The following MEIOSIN variants were observed in gnomAD, a reference collection of about 807,000 sequenced individuals.
MEIOSIN encodes the protein meiosis initiator.
Under a neutral mutation model 23.4 loss-of-function variants are expected in MEIOSIN, and 18 were observed. That is an observed-to-expected ratio of 0.77 (90% CI 0.53 to 1.14). The LOEUF (loss-of-function observed/expected upper bound fraction) is 1.14, where lower values mean the gene tolerates loss of function less well. Ranked by LOEUF, MEIOSIN falls within the 50% of genes most tolerant of loss-of-function variation. The pLI is 0.00. For missense variants in MEIOSIN, 428 were observed against 242.9 expected (o/e 1.76, Z -5.07); for synonymous variants, 187 against 100.6 (o/e 1.86, Z -5.14).
At chr19:45,757,036 C>T in intron 8 of MEIOSIN, 141 bp from the exon 9 acceptor site, 3 of 586,320 alleles carry the variant, frequency 5.1e-6, no homozygotes, top group Admixed American at 2.8e-5. Context: ...ACTGTAAGCT[C>T]CCTGAGGATG....
chr19:45,740,014 A>AT (rs965067002), intron 3 of MEIOSIN, among the ~76,000 whole-genome samples: 53 of 152,000 alleles, frequency 3.5e-4, no homozygotes, highest in South Asian at 1.7e-3. Context: ...CGGCCAGCTA[A>AT]TTTTTTGTAT....
chr19:45,740,591 A>T (rs1239547686), intron 3 of MEIOSIN, among the ~76,000 whole-genome samples: 4 of 152,046 alleles, frequency 2.6e-5, no homozygotes, highest in Non-Finnish European at 5.9e-5. Context: ...TCTACTAAAA[A>T]TACAAAAAAT....
At chr19:45,749,511 TA>T (rs1161735227) in intron 4 of MEIOSIN, among the ~76,000 whole-genome samples, 8 of 147,960 alleles carry the variant, frequency 5.4e-5, no homozygotes, top group Non-Finnish European at 1.2e-4. Context: ...CCGTCTCTAC[TA>T]AAAAATACAA....
chr19:45,760,665 A>C (rs948247138), intron 11 of MEIOSIN, among the ~76,000 whole-genome samples: 9 of 151,884 alleles, frequency 5.9e-5, no homozygotes, highest in African/African-American at 1.9e-4. Flanking sequence ...GTGGTGGCTC[A>C]TGCCTATACT....
At chr19:45,762,419 A>T (rs1431158960) in intron 13 of MEIOSIN, among the ~76,000 whole-genome samples, 5 of 151,944 alleles carry the variant, frequency 3.3e-5, no homozygotes, top group Non-Finnish European at 7.4e-5. Context: ...GAAAAAAAGG[A>T]GTTTTTTTTG....
Position 45,756,015 on chromosome 19 carries a change from C to T in MEIOSIN, c.848C>T (p.Ala283Val), listed in dbSNP as rs1469853505. 5.5e-5 allele frequency: 39 copies of T among 702,768 alleles called. No individual in the cohort carries two copies. The highest frequency in any genetic ancestry group is 1.4e-4 in the Admixed American group (7 of 49,990). The allele number at this position is 702,768 out of a possible 1,614,324, so 43.5% of individuals were successfully genotyped here. A position where few individuals can be genotyped will look rare whatever the true frequency, so the allele number is the denominator to read the frequency against. ...GTCCAGGATGACGCACCTTTCCCTG[C>T]GCTCCTGGCTCAGGAAGATGTGGCG... ...GSVQDDAPFP[A>V]LLAQEDVARI... The change falls in exon 8 of 15, where the codon GCG (alanine) becomes GTG (valine). Residue 283 changes from alanine (A) to valine (V), a missense_variant. Ala to Val is a moderately conservative substitution (Grantham distance 64). Transcript: ENST00000457052.
chr19:45,750,691 A>G lies in MEIOSIN; in HGVS notation c.323A>G (p.His108Arg). 1.7e-6 allele frequency: 1 copy of G among 598,526 alleles called. No homozygotes were observed. The highest frequency in any genetic ancestry group is 3.0e-6 in the Non-Finnish European group (1 of 338,082). 37.1% of individuals were successfully genotyped at this position (598,526 alleles called of 1,614,324 possible). A position where few individuals can be genotyped will look rare whatever the true frequency, so the allele number is the denominator to read the frequency against. Residue 108 changes from histidine to arginine, a missense_variant, in exon 5 of 15, where the codon CAT becomes CGT. By Grantham distance (29) the His-to-Arg change is conservative. Coordinates refer to ENST00000457052, the MANE Select transcript of MEIOSIN (RefSeq NM_001310124.2). ...KKLTKKEILVHVLQYIQYLQR... is the reference protein window; with the variant it reads ...KKLTKKEILVRVLQYIQYLQR... Reference sequence around the variant, plus strand: ...TTGAGGCAGAAGGAGATTCTGGTGCATGTCCTGCAGTACATTCAGTACCTC... The same window carrying G: ...TTGAGGCAGAAGGAGATTCTGGTGCGTGTCCTGCAGTACATTCAGTACCTC...
chr19:45,739,642 T>C lies in MEIOSIN; in HGVS notation c.88T>C (p.Ser30Pro), dbSNP rs1326849679. The C allele has an allele frequency of 4.3e-6, 3 of 702,966 alleles. No individual in the cohort carries two copies. The highest frequency in any genetic ancestry group is 1.7e-5 in the African/African-American group (1 of 57,208). The allele number at this position is 702,966 out of a possible 1,614,324, so 43.5% of individuals were successfully genotyped here. The change falls in exon 3 of 15, where the codon TCC (serine) becomes CCC (proline). Residue 30 changes from serine to proline, a missense_variant. Physicochemically the swap from Ser to Pro is moderately conservative, Grantham distance 74. Transcript: ENST00000457052. ...TCTTGGCAGGACCTTGGTTTTGTGC[T>C]CCCTAGTGGAAGGGGAAGATAAGGT... ...GPSDRTLVLC[S>P]LVEGEDKVNP...
chr19:45,751,132 T>A (rs945794154), intron 5 of MEIOSIN, among the ~76,000 whole-genome samples: 1 of 151,776 alleles, frequency 6.6e-6, no homozygotes, highest in South Asian at 2.1e-4. Context: ...AATTAGCTGG[T>A]GTGGTGGCTG....
chr19:45,750,639 G>T, intron 4 of MEIOSIN, 36 bp from the exon 5 acceptor site: 1 of 515,030 alleles, frequency 1.9e-6, no homozygotes, highest in Non-Finnish European at 3.5e-6. Context: ...GATTACAGGC[G>T]TGAGCCTGGC....
rs1969017668 is a variant in MEIOSIN, at chr19:45,764,387, AC to A, written c.*272del. ...TGCGGGGTGTCGGAAGGTGAAGTTT[AC>A]CCACCCCTCTCCCCTTCCCTTCCCC... On this transcript the variant is annotated 3_prime_UTR_variant, in exon 15 of 15. Coordinates refer to ENST00000457052, the MANE Select transcript of MEIOSIN (RefSeq NM_001310124.2). The A allele has an allele frequency of 2.8e-6, 1 of 357,108 alleles. No individual in the cohort carries two copies. Among genetic ancestry groups the A allele is most frequent in the South Asian group, 1.5e-4 (1 of 6,630 alleles). 22.1% of individuals were successfully genotyped at this position (357,108 alleles called of 1,614,324 possible).
In MEIOSIN at chr19:45,764,356, A is replaced by C; in HGVS notation, c.*238A>C. 2.6e-6 allele frequency: 1 copy of C among 380,726 alleles called. No individual in the cohort carries two copies. 23.6% of individuals were successfully genotyped at this position (380,726 alleles called of 1,614,324 possible). A position where few individuals can be genotyped will look rare whatever the true frequency, so the allele number is the denominator to read the frequency against. ...CCCAGGCTTAGGAAGGAAACCCAAA[A>C]TGAAATGCGGGGTGTCGGAAGGTGA... On this transcript the variant is annotated 3_prime_UTR_variant, in exon 15 of 15. Transcript: ENST00000457052.
chr19:45,739,433 G>A (rs936943800), intron 2 of MEIOSIN, among the ~76,000 whole-genome samples, 193 bp from the exon 3 acceptor site: 1 of 152,078 alleles, frequency 6.6e-6, no homozygotes, highest in Non-Finnish European at 1.5e-5. Context: ...GATTACAGGC[G>A]TGAGTCATTG....
chr19:45,743,729 C>A (rs1401170226), intron 3 of MEIOSIN, among the ~76,000 whole-genome samples: 1 of 152,176 alleles, frequency 6.6e-6, no homozygotes, highest in East Asian at 1.9e-4. Context: ...GCCATGTTGG[C>A]CAGGCTGGCC....
chr19:45,754,682 C>T lies in MEIOSIN; in HGVS notation c.760C>T (p.Leu254=), dbSNP rs1309907997. ...AAAAGGAGGACAGTCCCAGCTGACGCTGTTGGATCTGGCCGAGGACACCAT... is the reference window on the plus strand; with the variant it reads ...AAAAGGAGGACAGTCCCAGCTGACGTTGTTGGATCTGGCCGAGGACACCAT... ...DRKGGQSQLT[L]LDLAEDTIHC... Residue 254 remains leucine (L), a synonymous_variant, in exon 7 of 15, where the codon CTG becomes TTG. Transcript: ENST00000457052. The T allele has an allele frequency of 5.7e-6, 4 of 703,076 alleles. No individual in the cohort carries two copies. The highest frequency in any genetic ancestry group is 1.7e-5 in the African/African-American group (1 of 57,394). 43.6% of individuals were successfully genotyped at this position (703,076 alleles called of 1,614,324 possible). A position where few individuals can be genotyped will look rare whatever the true frequency, so the allele number is the denominator to read the frequency against.
rs989818038 is a variant in MEIOSIN, at chr19:45,759,945, G to A, written c.1245+455G>A. Among the ~76,000 whole-genome samples, 4 of 151,952 alleles carry A rather than the reference G, an allele frequency of 2.6e-5. No individual in the cohort carries two copies. In the East Asian group the frequency reaches 7.8e-4, roughly 30 times the overall value. On this transcript the variant is annotated intron_variant, in intron 11 of 14. Coordinates refer to ENST00000457052, the MANE Select transcript of MEIOSIN (RefSeq NM_001310124.2). ...GCCCCCCTAGTAGCTGGGATTACAGGTGCCTGTCACCACACCCGGCTAATT... is the reference window on the plus strand; with the variant it reads ...GCCCCCCTAGTAGCTGGGATTACAGATGCCTGTCACCACACCCGGCTAATT...
At chr19:45,762,279 T>C (rs926389393) in intron 13 of MEIOSIN, 96 bp downstream of exon 13, 20 of 399,568 alleles carry the variant, frequency 5.0e-5, no homozygotes, top group Non-Finnish European at 8.8e-5. Flanking sequence ...TCTGACACTT[T>C]TTCCCCCTCC....
Position 45,762,198 on chromosome 19 carries a change from G to A in MEIOSIN, c.1679+15G>A, listed in dbSNP as rs1487865932. 6 of 404,200 alleles carry A rather than the reference G, an allele frequency of 1.5e-5. No individual in the cohort carries two copies. Among genetic ancestry groups the A allele is most frequent in the Non-Finnish European group, 2.2e-5 (5 of 229,696 alleles). The allele number at this position is 404,200 out of a possible 1,614,324, so 25.0% of individuals were successfully genotyped here. ...CAGTACATCCGGTGGGTAGGGGGTC[G>A]TCTTTGGCCCTGGGGAAGGCCCTGG... On this transcript the variant is annotated intron_variant, in intron 13 of 14. Transcript: ENST00000457052.
At chr19:45,760,537 C>T (rs889635230) in intron 11 of MEIOSIN, among the ~76,000 whole-genome samples, 1 of 151,680 alleles carries the variant, frequency 6.6e-6, no homozygotes, top group South Asian at 2.1e-4. Flanking sequence ...ACCTGGGAGG[C>T]GGGGGTTGCA....
Sources: allele counts gnomAD v4.1 joint callset (sites outside exome capture counted in the v4.1 genomes callset), GRCh38; gene constraint gnomAD v4.1.1; transcripts MANE v1.5; gene names NCBI Gene and HGNC (gene_info 2026-07-23, HGNC 2026-07-21).